Variants in TRHDE observed in about 807,000 individuals in gnomAD.
The protein encoded by TRHDE is thyrotropin-releasing hormone-degrading ectoenzyme.
In TRHDE, 72 loss-of-function variants were observed where a neutral mutation model predicts 125.7. That is an observed-to-expected ratio of 0.57 (90% CI 0.47 to 0.70). TRHDE has a LOEUF of 0.70. TRHDE is among the 30% of genes least tolerant of loss of function. The pLI, the probability that TRHDE is intolerant of heterozygous loss-of-function variation, is 0.00. For synonymous variants in TRHDE, 509 were observed against 509.1 expected, an observed-to-expected ratio of 1.00 and a Z score of 0.00; for missense variants, 1,110 against 1,327.1, an observed-to-expected ratio of 0.84 and a Z score of 2.54.
chr12:72,136,881 A>G (rs191156753), intron 2 of TRHDE, among the ~76,000 whole-genome samples: 13 of 152,206 alleles, frequency 8.5e-5, no homozygotes, highest in African/African-American at 2.9e-4. Context: ...TGATTGTAAC[A>G]TTTGTGGGAA....
intron 15 of TRHDE, among the ~76,000 whole-genome samples, chr12:72,635,606 G>A (rs1309253721): frequency 2.0e-5 from 3 of 151,932 alleles, no homozygotes; most frequent in African/African-American, 7.3e-5. Context: ...GTAATGCCTA[G>A]GTTTTCTTCT....
At chr12:72,364,133 A>G (rs1278562254) in intron 2 of TRHDE, among the ~76,000 whole-genome samples, 3 of 152,114 alleles carry the variant, frequency 2.0e-5, no homozygotes, top group African/African-American at 4.8e-5. Context: ...GATACAAACA[A>G]ATGGAAGAAC....
intron 2 of TRHDE, chr12:72,264,490 A>C (rs1417800269): frequency 6.6e-6 from 1 of 152,020 alleles, no homozygotes; most frequent in Non-Finnish European, 1.5e-5. Context: ...ACGTTATGCA[A>C]GATAAGTTTA....
At chr12:72,088,697 T>C (rs541211995) in intron 1 of TRHDE, among the ~76,000 whole-genome samples, 4 of 152,086 alleles carry the variant, frequency 2.6e-5, no homozygotes, top group Non-Finnish European at 4.4e-5. Flanking sequence ...TCTGTTCTTC[T>C]CACATCTCTC....
chr12:72,234,087 A>T (rs1014339953), intron 2 of TRHDE, among the ~76,000 whole-genome samples: 1 of 152,216 alleles, frequency 6.6e-6, no homozygotes, highest in African/African-American at 2.4e-5. Context: ...ATGAAACAAG[A>T]AAACACTAAA....
chr12:72,251,931 G>A (rs1453228833), intron 2 of TRHDE, among the ~76,000 whole-genome samples: 1 of 151,830 alleles, frequency 6.6e-6, no homozygotes, highest in Non-Finnish European at 1.5e-5. Context: ...ATGCATTTTT[G>A]CCATCTGTAC....
At chr12:72,130,770 C>T (rs191821481) in intron 2 of TRHDE, among the ~76,000 whole-genome samples, 1 of 152,114 alleles carries the variant, frequency 6.6e-6, no homozygotes. Context: ...GAAATATTCT[C>T]AAACTCACTC....
intron 2 of TRHDE, among the ~76,000 whole-genome samples, chr12:72,139,232 C>T (rs867362710): frequency 1.3e-5 from 2 of 151,730 alleles, no homozygotes; most frequent in African/African-American, 4.8e-5. Context: ...AATATTTCTG[C>T]ATCCACCACC....
At chr12:72,099,273 G>A (rs144404481) in intron 1 of TRHDE, among the ~76,000 whole-genome samples, 10 of 152,266 alleles carry the variant, frequency 6.6e-5, no homozygotes, top group African/African-American at 2.2e-4. Flanking sequence ...GGGTAAAGTG[G>A]TGTGCTACTG....
intron 2 of TRHDE, among the ~76,000 whole-genome samples, chr12:72,366,435 G>T (rs779653316): frequency 6.6e-6 from 1 of 152,126 alleles, no homozygotes; most frequent in Non-Finnish European, 1.5e-5. Context: ...GCAAAATGCA[G>T]TTGGAAGATG....
chr12:72,163,340 C>G (rs1429030859), intron 2 of TRHDE, among the ~76,000 whole-genome samples: 1 of 152,138 alleles, frequency 6.6e-6, no homozygotes, highest in Non-Finnish European at 1.5e-5. Context: ...AGGCAGGTTC[C>G]TCTCAAAGGG....
chr12:72,223,983 C>T (rs190915213), intron 2 of TRHDE, among the ~76,000 whole-genome samples: 6 of 151,640 alleles, frequency 4.0e-5, no homozygotes, highest in East Asian at 1.9e-4. Flanking sequence ...ACGTAAAGGA[C>T]GGGTGAAGGA....
Position 72,278,856 on chromosome 12 carries a change from T to A in TRHDE, c.914+5299T>A, listed in dbSNP as rs568715464. Reference sequence around the variant, plus strand: ...TTTTGGTCATTAATCACTTATCAGATGTACAGACTGCGAATATTTTCTCCC... The same window carrying A: ...TTTTGGTCATTAATCACTTATCAGAAGTACAGACTGCGAATATTTTCTCCC... On this transcript the variant is annotated intron_variant, in intron 1 of 18. Transcript: ENST00000261180. Among the ~76,000 whole-genome samples, 5 of 152,376 alleles carry A rather than the reference T, an allele frequency of 3.3e-5. No homozygotes were observed. The South Asian group carries it at 8.3e-4, about 25-fold the overall frequency.
chr12:72,445,817 T>A (rs1875248322), intron 3 of TRHDE, among the ~76,000 whole-genome samples: 1 of 151,968 alleles, frequency 6.6e-6, no homozygotes, highest in African/African-American at 2.4e-5. Context: ...TTGGGAGATT[T>A]CACATAAAAA....
intron 2 of TRHDE, among the ~76,000 whole-genome samples, chr12:72,334,088 C>A (rs1320248353): frequency 6.6e-6 from 1 of 151,980 alleles, no homozygotes; most frequent in Non-Finnish European, 1.5e-5. Context: ...GCAGCAGTGG[C>A]TTCTACCATT....
At chr12:72,511,618 A>G (rs947401525) in intron 6 of TRHDE, among the ~76,000 whole-genome samples, 29 of 152,220 alleles carry the variant, frequency 1.9e-4, no homozygotes, top group African/African-American at 5.5e-4. Context: ...AGTTTTATTG[A>G]TATTTTTGTG....
chr12:72,547,455 G>A (rs187527826), intron 7 of TRHDE, among the ~76,000 whole-genome samples: 2 of 151,706 alleles, frequency 1.3e-5, no homozygotes, highest in Non-Finnish European at 2.9e-5. Flanking sequence ...TATAAAATTT[G>A]TAAATTTCTA....
chr12:72,156,904 A>G (rs183624064), intron 2 of TRHDE, among the ~76,000 whole-genome samples: 71 of 152,312 alleles, frequency 4.7e-4, no homozygotes, highest in Middle Eastern at 3.4e-3. Context: ...CTAGCATCAC[A>G]TAATAGAATG....
intron 12 of TRHDE, among the ~76,000 whole-genome samples, chr12:72,581,840 C>T (rs991539999): frequency 6.6e-6 from 1 of 151,426 alleles, no homozygotes; most frequent in Non-Finnish European, 1.5e-5. Context: ...CAGTGGCTCA[C>T]ACCTGTAATC....
Sources: allele counts gnomAD v4.1 joint callset (sites outside exome capture counted in the v4.1 genomes callset), GRCh38; gene constraint gnomAD v4.1.1; transcripts MANE v1.5; gene names NCBI Gene and HGNC (gene_info 2026-07-23, HGNC 2026-07-21).